The following CAMKMT variants were observed in gnomAD, a reference collection of about 807,000 sequenced individuals.
CAMKMT encodes calmodulin-lysine N-methyltransferase, also known as CaM KMT.
Under a neutral mutation model 48.0 loss-of-function variants are expected in CAMKMT, and 53 were observed. The ratio of observed to expected loss-of-function variants is 1.10; its 90% CI spans 0.89 to 1.39. The LOEUF (loss-of-function observed/expected upper bound fraction) is 1.39. Ranked by LOEUF, CAMKMT falls within the 40% of genes most tolerant of loss-of-function variation. The pLI, the probability that CAMKMT is intolerant of heterozygous loss-of-function variation, is 0.00. For synonymous variants in CAMKMT, 165 were observed against 152.3 expected (o/e 1.08, Z -0.61); for missense variants, 428 against 402.7 (o/e 1.06, Z -0.54).
At chr2:44,517,885 T>C (rs549934437) in intron 3 of CAMKMT, among the ~76,000 whole-genome samples, 1 of 152,354 alleles carries the variant, frequency 6.6e-6, no homozygotes, top group East Asian at 1.9e-4. Context: ...TTAATTTGTT[T>C]CCTAAAGTGA....
At chr2:44,402,049 G>A (rs189387208) in intron 3 of CAMKMT, among the ~76,000 whole-genome samples, 50 of 152,188 alleles carry the variant, frequency 3.3e-4, no homozygotes, top group African/African-American at 1.1e-3. Context: ...AGAATTGGCC[G>A]GGCGCGGTGG....
intron 3 of CAMKMT, among the ~76,000 whole-genome samples, chr2:44,461,209 T>G (rs1667832235): frequency 6.6e-6 from 1 of 152,208 alleles, no homozygotes; most frequent in African/African-American, 2.4e-5. Flanking sequence ...TAAGGGCTTT[T>G]GTGTATACCT....
chr2:44,749,226 A>T (rs967364638), intron 8 of CAMKMT, among the ~76,000 whole-genome samples: 4 of 152,166 alleles, frequency 2.6e-5, no homozygotes, highest in Admixed American at 2.0e-4. Flanking sequence ...GACTTTTTGG[A>T]AACTTCTTAT....
chr2:44,506,179 C>CT (rs1358154251), intron 3 of CAMKMT, among the ~76,000 whole-genome samples: 1 of 151,982 alleles, frequency 6.6e-6, no homozygotes, highest in Non-Finnish European at 1.5e-5. Flanking sequence ...TAAATCTGTG[C>CT]TTTTTTCAAG....
At chr2:44,573,958 C>T (rs1285785260) in intron 3 of CAMKMT, among the ~76,000 whole-genome samples, 7 of 152,082 alleles carry the variant, frequency 4.6e-5, no homozygotes, top group African/African-American at 1.7e-4. Flanking sequence ...GTTTTGATTT[C>T]TGATAGGGCA....
Position 44,628,758 on chromosome 2 carries a change from A to G in CAMKMT, c.377-75525A>G, listed in dbSNP as rs567901571. On this transcript the variant is annotated intron_variant, in intron 3 of 10. Coordinates refer to ENST00000378494, the MANE Select transcript of CAMKMT (RefSeq NM_024766.5). ...CAACATATTTTTAATGTTTCTTATG[A>G]TTTATTCTTTGACCTATACATTTTT... Among the ~76,000 whole-genome samples the G allele has an allele frequency of 7.6e-4, 116 of 152,226 alleles. 1 individual carries two copies. Among genetic ancestry groups the G allele is most frequent in the Non-Finnish European group, 3.4e-4 (23 of 68,014 alleles).
rs1671986410 is a variant in CAMKMT at position 44,618,054 on chromosome 2, T to C, written c.377-86229T>C. ...TCCTTCCTGTTTCTTTGTATACACT[T>C]CTAGTAGTTAAACTGATTTTAATGG... On this transcript the variant is annotated intron_variant, in intron 3 of 10. Transcript: ENST00000378494. The surrounding 1 kb of genome is among the most constrained non-coding windows in gnomAD (Gnocchi z 4.0). 6.6e-6 allele frequency among the ~76,000 whole-genome samples: 1 copy of C among 152,222 alleles called. No homozygotes were observed. The highest frequency in any genetic ancestry group is 6.5e-5 in the Admixed American group (1 of 15,282).
intron 3 of CAMKMT, among the ~76,000 whole-genome samples, chr2:44,499,046 A>C (rs1353218332): frequency 6.6e-6 from 1 of 152,196 alleles, no homozygotes; most frequent in Non-Finnish European, 1.5e-5. Context: ...ATTGTAAGAG[A>C]TCTTATTACT....
chr2:44,375,731 G>A (rs1173221564), intron 2 of CAMKMT, among the ~76,000 whole-genome samples: 1 of 152,004 alleles, frequency 6.6e-6, no homozygotes, highest in East Asian at 1.9e-4. Context: ...GCAGTCTTTA[G>A]CTGGAGGAAT....
intron 3 of CAMKMT, among the ~76,000 whole-genome samples, chr2:44,414,775 C>A (rs1683436430): frequency 6.6e-6 from 1 of 152,170 alleles, no homozygotes; most frequent in Admixed American, 6.5e-5. Context: ...ATTGGTAGTT[C>A]TCTAGCTGGC....
At chr2:44,758,326 G>A (rs777688503) in intron 9 of CAMKMT, among the ~76,000 whole-genome samples, 4 of 152,172 alleles carry the variant, frequency 2.6e-5, no homozygotes, top group Non-Finnish European at 4.4e-5. Context: ...GAGGTCCCCA[G>A]AGAGACCTTA....
At chr2:44,487,232 A>T (rs1455305558) in intron 3 of CAMKMT, among the ~76,000 whole-genome samples, 1 of 152,166 alleles carries the variant, frequency 6.6e-6, no homozygotes, top group Non-Finnish European at 1.5e-5. Flanking sequence ...TCTTTAAGTT[A>T]CTTTATAAAA....
chr2:44,515,196 T>C (rs1333446171), intron 3 of CAMKMT, among the ~76,000 whole-genome samples: 1 of 152,234 alleles, frequency 6.6e-6, no homozygotes, highest in African/African-American at 2.4e-5. Flanking sequence ...ATTTGTGTTT[T>C]GAATTTCCAT....
intron 3 of CAMKMT, among the ~76,000 whole-genome samples, chr2:44,440,275 C>T (rs189831252): frequency 1.1e-3 from 165 of 152,218 alleles, no homozygotes; most frequent in Non-Finnish European, 2.1e-3. Flanking sequence ...GATGTAACCT[C>T]GGGACCTCAG....
chr2:44,751,793 C>T (rs2104386326), intron 8 of CAMKMT, among the ~76,000 whole-genome samples: 1 of 152,334 alleles, frequency 6.6e-6, no homozygotes, highest in East Asian at 1.9e-4. Context: ...GCTTATGGTT[C>T]TGCAGGCTGT....
intron 3 of CAMKMT, chr2:44,457,032 T>C (rs1667599184): frequency 6.4e-6 from 1 of 155,618 alleles, no homozygotes; most frequent in South Asian, 2.0e-4. Flanking sequence ...GATTTATTTA[T>C]ATTTGTATGT....
intron 9 of CAMKMT, 101 bp downstream of exon 9, chr2:44,754,219 A>G: frequency 7.2e-6 from 6 of 834,772 alleles, no homozygotes; most frequent in Non-Finnish European, 9.8e-6. Flanking sequence ...ATGTCATGTA[A>G]TACTTTAATA....
intron 3 of CAMKMT, among the ~76,000 whole-genome samples, chr2:44,474,117 G>T (rs1456775462): frequency 6.6e-6 from 1 of 152,042 alleles, no homozygotes; most frequent in African/African-American, 2.4e-5. Context: ...TTCTTCTTTG[G>T]AATTGTGAAA....
intron 3 of CAMKMT, among the ~76,000 whole-genome samples, chr2:44,559,035 ACTAT>A (rs771188843): frequency 2.0e-4 from 31 of 152,236 alleles, no homozygotes; most frequent in South Asian, 1.4e-3. Flanking sequence ...TGTCTATCTA[ACTAT>A]CTATCTATCA....
Sources: gnomAD v4.1 joint callset for allele counts (sites outside exome capture counted in the v4.1 genomes callset) on GRCh38, gnomAD v4.1.1 for gene constraint, Gnocchi (gnomAD v3.1) non-coding constraint, MANE v1.5 for transcripts, NCBI Gene and HGNC (gene_info 2026-07-23, HGNC 2026-07-21) for gene names.